UBXN7: variants seen among roughly 807,000 people sequenced by gnomAD.
UBXN7 encodes the protein UBX domain protein 7, also known as UBX domain-containing protein 7.
A neutral mutation model predicts 58.0 loss-of-function variants in UBXN7; 9 were observed. The observed-to-expected ratio is 0.16, with a 90% CI of 0.09 to 0.27. The LOEUF is 0.27. Ranked by LOEUF, UBXN7 falls within the 10% of genes least tolerant of loss-of-function variation. The pLI is 1.00. For missense variants in UBXN7, 328 were observed against 599.6 expected (o/e 0.55, Z 4.73); for synonymous variants, 208 against 205.0 (o/e 1.01, Z -0.12).
chr3:196,358,655 C>T lies in UBXN7; in HGVS notation c.1309-1809G>A, dbSNP rs1022449554. Among the ~76,000 whole-genome samples the T allele has an allele frequency of 2.6e-5, 4 of 152,060 alleles. No homozygotes were observed. In the East Asian group the frequency reaches 5.8e-4, roughly 22 times the overall value. ...ACCTGGGAGGTTGAGGTGGGAGGCT[C>T]GCTTGAGCCCAGGAGGCAGAGGTTG... On this transcript the variant is annotated intron_variant, in intron 10 of 10. Transcript: ENST00000296328.
intron 1 of UBXN7, among the ~76,000 whole-genome samples, chr3:196,412,724 A>G (rs1256532875): frequency 6.6e-6 from 1 of 152,212 alleles, no homozygotes; most frequent in Non-Finnish European, 1.5e-5. Context: ...TATTCATACA[A>G]TGGAATCTCA....
In UBXN7 at chr3:196,355,088, C is replaced by T. The variant is rs1577427332; in HGVS notation, c.*1597G>A. The T allele has an allele frequency of 6.6e-6, 1 of 151,978 alleles. No homozygotes were observed. Among genetic ancestry groups the T allele is most frequent in the Admixed American group, 6.6e-5 (1 of 15,256 alleles). The allele number at this position is 151,978 out of a possible 1,614,324, so 9.4% of individuals were successfully genotyped here. On this transcript the variant is annotated 3_prime_UTR_variant, in exon 11 of 11. Transcript: ENST00000296328. ...ATGGCATCTTTTTTTCTTCTTTTCC[C>T]AAATCCCCTAATTGCCAAGAGAGCA...
chr3:196,359,332 T>A lies in UBXN7; in HGVS notation c.1309-2486A>T, dbSNP rs528358102. Among the ~76,000 whole-genome samples the A allele has an allele frequency of 2.0e-5, 3 of 152,256 alleles. No homozygotes were observed. In the South Asian group the frequency reaches 6.2e-4, roughly 32 times the overall value. On this transcript the variant is annotated intron_variant, in intron 10 of 10. Coordinates refer to ENST00000296328, the MANE Select transcript of UBXN7 (RefSeq NM_015562.2). ...GCTCCACCTAATGGGAGTTTTCCCA[T>A]CTCTCTCCCTCTATTCAGGCCTCCT... is the stretch of plus-strand genomic sequence containing the variant.
At chr3:196,417,124 T>C (rs868512111) in intron 1 of UBXN7, among the ~76,000 whole-genome samples, 49 of 152,178 alleles carry the variant, frequency 3.2e-4, no homozygotes, top group Admixed American at 5.2e-4. Flanking sequence ...CCATCCTGGC[T>C]AACACGGTGA....
intron 3 of UBXN7, among the ~76,000 whole-genome samples, chr3:196,396,540 A>ATC (rs555059510): frequency 6.4e-4 from 97 of 152,238 alleles, no homozygotes; most frequent in African/African-American, 2.2e-3. Flanking sequence ...AGGTGGGTGG[A>ATC]TCACGAGGTC....
At chr3:196,372,696 A>G (rs1223283614) in intron 5 of UBXN7, among the ~76,000 whole-genome samples, 1 of 151,962 alleles carries the variant, frequency 6.6e-6, no homozygotes, top group African/African-American at 2.4e-5. Flanking sequence ...GGATTCAACA[A>G]ACTTAAGATC....
At chr3:196,391,980 A>C in intron 4 of UBXN7, 55 bp from the exon 5 acceptor site, 2 of 327,186 alleles carry the variant, frequency 6.1e-6, no homozygotes, top group East Asian at 1.9e-4. Flanking sequence ...ATCACACTGA[A>C]AAAAAAAAAA....
intron 1 of UBXN7, among the ~76,000 whole-genome samples, chr3:196,418,090 A>G (rs1442406829): frequency 6.6e-6 from 1 of 152,056 alleles, no homozygotes; most frequent in African/African-American, 2.4e-5. Flanking sequence ...ATACAAAATT[A>G]GCTGGGCGTG....
At chr3:196,357,501 C>A (rs1251497042) in intron 10 of UBXN7, among the ~76,000 whole-genome samples, 2 of 152,150 alleles carry the variant, frequency 1.3e-5, no homozygotes, top group African/African-American at 4.8e-5. Flanking sequence ...TGTCGGGGCA[C>A]GGTTGCTCAC....
At position 196,413,390 on chromosome 3, in the gene UBXN7, A is replaced by T. The variant is rs116474172; in HGVS notation, c.74-5997T>A. On this transcript the variant is annotated intron_variant, in intron 1 of 10. Transcript: ENST00000296328. ...TGTTATATACGTGTTAATACAATTT[A>T]AAAAATTGAAAAAACAAACACCCTT... Among the ~76,000 whole-genome samples, 200 of 152,334 alleles carry T rather than the reference A, an allele frequency of 1.3e-3. 2 individuals carry two copies. Among genetic ancestry groups the T allele is most frequent in the African/African-American group, 4.6e-3 (193 of 41,578 alleles).
intron 5 of UBXN7, among the ~76,000 whole-genome samples, chr3:196,376,995 G>A (rs564724019): frequency 6.0e-5 from 9 of 150,224 alleles, no homozygotes; most frequent in South Asian, 2.1e-4. Context: ...GCAGTGAGCC[G>A]AGATCGTGCC....
chr3:196,428,517 G>C (rs925556984), intron 1 of UBXN7, among the ~76,000 whole-genome samples: 2 of 151,648 alleles, frequency 1.3e-5, no homozygotes, highest in Non-Finnish European at 2.9e-5. Context: ...GTAAAAATAA[G>C]CATATAAACA....
chr3:196,385,775 C>T (rs1366029591), intron 5 of UBXN7, among the ~76,000 whole-genome samples: 11 of 151,046 alleles, frequency 7.3e-5, no homozygotes, highest in South Asian at 4.2e-4. Context: ...CCCGGCCAGC[C>T]GCCCCGTCTG....
chr3:196,428,055 C>T (rs1381498692), intron 1 of UBXN7, among the ~76,000 whole-genome samples: 1 of 152,142 alleles, frequency 6.6e-6, no homozygotes, highest in Non-Finnish European at 1.5e-5. Context: ...ACCCAGGAGG[C>T]GGAGACAGCA....
At chr3:196,392,538 C>T (rs1488401934) in intron 4 of UBXN7, among the ~76,000 whole-genome samples, 1 of 149,866 alleles carries the variant, frequency 6.7e-6, no homozygotes, top group East Asian at 2.0e-4. Flanking sequence ...TGTAGTGGCG[C>T]ATGCCTGTAG....
chr3:196,426,763 G>A (rs1230100969), intron 1 of UBXN7, among the ~76,000 whole-genome samples: 16 of 151,424 alleles, frequency 1.1e-4, no homozygotes, highest in Admixed American at 9.2e-4. Context: ...CAGGAGAATC[G>A]CTTGAACCCG....
Position 196,369,650 on chromosome 3 carries a change from G to A in UBXN7, c.616-139C>T, listed in dbSNP as rs184958925. 213 of 606,898 alleles carry A rather than the reference G, an allele frequency of 3.5e-4. 1 individual carries two copies. Among genetic ancestry groups the A allele is most frequent in the African/African-American group, 3.4e-3 (182 of 53,398 alleles). The allele number at this position is 606,898 out of a possible 1,614,324, so 37.6% of individuals were successfully genotyped here. A position where few individuals can be genotyped will look rare whatever the true frequency, so the allele number is the denominator to read the frequency against. ...TAAGATCTCACTCCTACACTAAAAAGAAAATAAATCTGGTTTGAACTCCTT... is the reference window on the plus strand; with the variant it reads ...TAAGATCTCACTCCTACACTAAAAAAAAAATAAATCTGGTTTGAACTCCTT... On this transcript the variant is annotated intron_variant, in intron 6 of 10. Transcript: ENST00000296328.
intron 10 of UBXN7, among the ~76,000 whole-genome samples, chr3:196,358,585 T>A (rs1728416387): frequency 6.6e-6 from 1 of 151,992 alleles, no homozygotes; most frequent in Non-Finnish European, 1.5e-5. Flanking sequence ...AAAAGAATTT[T>A]AAAAAATTAG....
At chr3:196,416,388 G>A (rs564046545) in intron 1 of UBXN7, among the ~76,000 whole-genome samples, 30 of 152,014 alleles carry the variant, frequency 2.0e-4, no homozygotes, top group East Asian at 1.9e-4. Context: ...CTGAAATTGC[G>A]CCACTGCACT....
Sources: allele counts gnomAD v4.1 joint callset (sites outside exome capture counted in the v4.1 genomes callset), GRCh38; gene constraint gnomAD v4.1.1; transcripts MANE v1.5; gene names NCBI Gene and HGNC (gene_info 2026-07-23, HGNC 2026-07-21).